Variants in DSCAM observed in about 807,000 individuals in gnomAD.
DSCAM encodes DS cell adhesion molecule.
Under a neutral mutation model 217.7 loss-of-function variants are expected in DSCAM, and 47 were observed. The observed-to-expected ratio is 0.22, with a 90% CI of 0.17 to 0.28. The LOEUF is 0.28. DSCAM is among the 10% of genes least tolerant of loss of function. The probability of loss-of-function intolerance (pLI) is 1.00; values close to 1 mark genes in which losing one functional copy is unlikely to be tolerated. For missense variants in DSCAM, 2,080 were observed against 2,618.3 expected (o/e 0.79, Z 4.49); for synonymous variants, 1,056 against 1,015.3 (o/e 1.04, Z -0.76).
At chr21:40,099,585 G>C (rs1346071698) in intron 20 of DSCAM, among the ~76,000 whole-genome samples, 3 of 152,178 alleles carry the variant, frequency 2.0e-5, no homozygotes, top group Non-Finnish European at 4.4e-5. Flanking sequence ...TAAACCATCA[G>C]AGTTGATTTA....
chr21:40,821,401 A>G (rs1209637938), intron 1 of DSCAM, among the ~76,000 whole-genome samples: 2 of 151,610 alleles, frequency 1.3e-5, no homozygotes, highest in Admixed American at 1.3e-4. Flanking sequence ...GCGCACACAC[A>G]CACACACACA....
intron 3 of DSCAM, among the ~76,000 whole-genome samples, chr21:40,674,350 C>G (rs1305041917): frequency 6.6e-6 from 1 of 152,280 alleles, no homozygotes; most frequent in Middle Eastern, 3.4e-3. Flanking sequence ...TTATAATCTG[C>G]CTATTCCTGG....
intron 11 of DSCAM, among the ~76,000 whole-genome samples, chr21:40,261,654 C>T (rs199768399): frequency 1.9e-4 from 13 of 68,004 alleles, no homozygotes; most frequent in Admixed American, 2.5e-4. Context: ...TCTCTCTCTA[C>T]ACACACACAC....
intron 3 of DSCAM, among the ~76,000 whole-genome samples, chr21:40,571,030 A>G (rs1043240121): frequency 4.6e-5 from 7 of 152,170 alleles, no homozygotes; most frequent in Non-Finnish European, 8.8e-5. Context: ...AAACCACAAC[A>G]TAAGATTTTA....
chr21:40,137,178 G>GA lies in DSCAM; in HGVS notation c.3407-3170dup, dbSNP rs34652896. Among the ~76,000 whole-genome samples, 591 of 64,424 alleles carry GA rather than the reference G, an allele frequency of 9.2e-3. 5 individuals are homozygous for GA. Among genetic ancestry groups the GA allele is most frequent in the Non-Finnish European group, 0.012 (433 of 36,162 alleles). The allele number at this position is 64,424 out of a possible 152,430, so 42.3% of individuals were successfully genotyped here. Reference sequence around the variant, plus strand: ...CGACAGAGCGAGACTCTGTCTCAAGGAAAAAAAAAAAAAAAAAAAAGCAAA... The same window carrying GA: ...CGACAGAGCGAGACTCTGTCTCAAGGAAAAAAAAAAAAAAAAAAAAAGCAAA... On this transcript the variant is annotated intron_variant, in intron 18 of 32. Transcript: ENST00000400454.
At chr21:40,406,751 T>C (rs2075282719) in intron 3 of DSCAM, among the ~76,000 whole-genome samples, 1 of 152,064 alleles carries the variant, frequency 6.6e-6, no homozygotes, top group African/African-American at 2.4e-5. Context: ...CCACCATACA[T>C]GCTAATTTTT....
chr21:40,439,323 A>G (rs1420448984), intron 3 of DSCAM, among the ~76,000 whole-genome samples: 9 of 152,238 alleles, frequency 5.9e-5, no homozygotes, highest in African/African-American at 2.2e-4. Context: ...CCCTGTGCAA[A>G]AATGTTATTC....
chr21:40,249,780 G>C (rs1045764529), intron 11 of DSCAM, among the ~76,000 whole-genome samples: 7 of 152,102 alleles, frequency 4.6e-5, no homozygotes, highest in African/African-American at 1.7e-4. Flanking sequence ...GGCTTCATGG[G>C]GAAAATGCAG....
At chr21:40,210,708 C>G (rs535742237) in intron 11 of DSCAM, among the ~76,000 whole-genome samples, 76 of 152,306 alleles carry the variant, frequency 5.0e-4, no homozygotes, top group African/African-American at 1.8e-3. Context: ...CCATGCTTGG[C>G]TAATTTTTGT....
intron 3 of DSCAM, among the ~76,000 whole-genome samples, chr21:40,616,756 G>A (rs1205708298): frequency 1.3e-5 from 2 of 152,168 alleles, no homozygotes; most frequent in Non-Finnish European, 2.9e-5. Flanking sequence ...GGTGGCTCAC[G>A]CCTGTAATCC....
intron 3 of DSCAM, among the ~76,000 whole-genome samples, chr21:40,638,619 C>A (rs1229039731): frequency 6.6e-6 from 1 of 152,126 alleles, no homozygotes; most frequent in Non-Finnish European, 1.5e-5. Flanking sequence ...ATTTCAAGCA[C>A]GGCGAGGCTG....
intron 3 of DSCAM, among the ~76,000 whole-genome samples, chr21:40,486,445 G>C (rs1174476392): frequency 6.6e-6 from 1 of 151,764 alleles, no homozygotes; most frequent in Admixed American, 6.6e-5. Flanking sequence ...GAGGCAGGCA[G>C]GCAGGCAGGA....
intron 11 of DSCAM, among the ~76,000 whole-genome samples, chr21:40,251,242 GT>G (rs1181739442): frequency 6.6e-6 from 1 of 151,978 alleles, no homozygotes; most frequent in Non-Finnish European, 1.5e-5. Context: ...AGAATACTGA[GT>G]AACACAGAAA....
At chr21:40,462,547 C>G (rs1007361050) in intron 3 of DSCAM, among the ~76,000 whole-genome samples, 11 of 152,190 alleles carry the variant, frequency 7.2e-5, no homozygotes, top group African/African-American at 2.4e-4. Context: ...GCACCCAAGA[C>G]CCATGGAATT....
intron 3 of DSCAM, among the ~76,000 whole-genome samples, chr21:40,683,360 T>C (rs73905060): frequency 0.016 from 2,453 of 152,058 alleles, 59 homozygotes; most frequent in African/African-American, 0.056. Flanking sequence ...AAATACTCAC[T>C]ACTATAAACT....
intron 3 of DSCAM, among the ~76,000 whole-genome samples, chr21:40,631,099 C>A (rs2089685761): frequency 6.6e-6 from 1 of 152,148 alleles, no homozygotes; most frequent in South Asian, 2.1e-4. Context: ...ATTGTGTATG[C>A]CAGCAATGAA....
At chr21:40,182,534 G>A (rs1217130447) in intron 14 of DSCAM, among the ~76,000 whole-genome samples, 1 of 151,486 alleles carries the variant, frequency 6.6e-6, no homozygotes, top group African/African-American at 2.4e-5. Flanking sequence ...GGACAGCAGA[G>A]GCCAACAGAG....
At chr21:40,731,728 A>ACCCCCCCCCCCCCCC (rs148482159) in intron 1 of DSCAM, among the ~76,000 whole-genome samples, 1 of 79,674 alleles carries the variant, frequency 1.3e-5, no homozygotes, top group African/African-American at 4.4e-5. Context: ...TTCCCACTGC[A>ACCCCCCCCCCCCCCC]CCCCCCCCCC....
intron 11 of DSCAM, among the ~76,000 whole-genome samples, chr21:40,251,355 A>T (rs2073302005): frequency 6.6e-6 from 1 of 151,466 alleles, no homozygotes; most frequent in Non-Finnish European, 1.5e-5. Flanking sequence ...TAGCAGAGAG[A>T]AAAAAAAATA....
Sources: allele counts gnomAD v4.1 joint callset (sites outside exome capture counted in the v4.1 genomes callset), GRCh38; gene constraint gnomAD v4.1.1; transcripts MANE v1.5; gene names NCBI Gene and HGNC (gene_info 2026-07-23, HGNC 2026-07-21).